BMP1: variants seen among roughly 807,000 people sequenced by gnomAD.
BMP1 encodes bone morphogenetic protein 1.
Under a neutral mutation model 116.8 loss-of-function variants are expected in BMP1, and 63 were observed. That is an observed-to-expected ratio of 0.54 (90% CI 0.44 to 0.67). BMP1 has a LOEUF of 0.67. Among genes scored for constraint, BMP1 ranks in the 30% least tolerant of loss-of-function variants. The probability of loss-of-function intolerance (pLI) is 0.00; values close to 1 mark genes in which losing one functional copy is unlikely to be tolerated. For synonymous variants in BMP1, 536 were observed against 533.4 expected, an observed-to-expected ratio of 1.00 and a Z score of -0.07; for missense variants, 1,183 against 1,358.9, an observed-to-expected ratio of 0.87 and a Z score of 2.04.
At chr8:22,210,633 C>G (rs1422979108) in intron 19 of BMP1, among the ~76,000 whole-genome samples, 1 of 152,168 alleles carries the variant, frequency 6.6e-6, no homozygotes, top group Admixed American at 6.5e-5. Flanking sequence ...GCTGCTGGAC[C>G]CAGCATTGGC....
chr8:22,206,812 G>C (rs759479624), intron 16 of BMP1, 42 bp from the exon 17 acceptor site: 1 of 1,612,682 alleles, frequency 6.2e-7, no homozygotes, highest in East Asian at 2.2e-5. Context: ...ATCGGAGCTT[G>C]GGGTCCCTCT....
chr8:22,180,692 T>A (rs1036615760), intron 8 of BMP1, among the ~76,000 whole-genome samples: 2 of 152,212 alleles, frequency 1.3e-5, no homozygotes, highest in Non-Finnish European at 2.9e-5. Context: ...AATTATAAAT[T>A]AGTGTTAATT....
At chr8:22,172,151 A>G (rs898741659) in intron 1 of BMP1, among the ~76,000 whole-genome samples, 11 of 152,098 alleles carry the variant, frequency 7.2e-5, no homozygotes, top group Admixed American at 4.6e-4. Flanking sequence ...GTGTAACGCG[A>G]CCGCCAGGCC....
At chr8:22,171,793 T>C (rs1828284491) in intron 1 of BMP1, 1 of 152,224 alleles carries the variant, frequency 6.6e-6, no homozygotes, top group Non-Finnish European at 1.5e-5. Flanking sequence ...ACTGCCACAG[T>C]CACTCCCACA....
chr8:22,206,813 G>A, intron 16 of BMP1, 41 bp from the exon 17 acceptor site: 3 of 1,612,812 alleles, frequency 1.9e-6, no homozygotes, highest in Non-Finnish European at 8.5e-7. Context: ...TCGGAGCTTG[G>A]GGTCCCTCTC....
In BMP1 at chr8:22,173,639, C is replaced by T. The variant is rs750943467; in HGVS notation, c.186C>T (p.Asp62=). Residue 62 remains aspartate (D), a synonymous_variant, in exon 2 of 20, where the codon GAC becomes GAT. Coordinates refer to ENST00000306385, the MANE Select transcript of BMP1 (RefSeq NM_006129.5). ...FLGDIALDEE[D]LRAFQVQQAV... Reference sequence around the variant, plus strand: ...GGGACATTGCCCTGGACGAAGAGGACCTGAGGGCCTTCCAGGTACAGCAGG... The same window carrying T: ...GGGACATTGCCCTGGACGAAGAGGATCTGAGGGCCTTCCAGGTACAGCAGG... 9 of 1,613,602 alleles carry T rather than the reference C, an allele frequency of 5.6e-6. 1 individual carries two copies. The South Asian group carries it at 9.9e-5, about 18-fold the overall frequency.
Position 22,194,192 on chromosome 8 carries a change from G to T in BMP1, c.1297+18G>T. ...CTACGAAGGTACTGAGGAAGGCGGC[G>T]GGCGGGAGGAGTCAGATAGGAGGTC... On this transcript the variant is annotated intron_variant, in intron 10 of 19. Transcript: ENST00000306385. This position sits in a 1 kb window ranked among gnomAD's most constrained non-coding sequence, Gnocchi z 4.5. The T allele has an allele frequency of 6.2e-7, 1 of 1,607,914 alleles. No homozygotes were observed. Among genetic ancestry groups the T allele is most frequent in the Non-Finnish European group, 8.5e-7 (1 of 1,174,342 alleles).
intron 8 of BMP1, among the ~76,000 whole-genome samples, chr8:22,183,868 G>A (rs1828694908): frequency 2.0e-5 from 3 of 152,214 alleles, no homozygotes; most frequent in South Asian, 4.1e-4. Flanking sequence ...GAGCCGCCGC[G>A]CCTGGCCATG....
At chr8:22,176,714 C>A in intron 4 of BMP1, 64 bp downstream of exon 4, 1 of 1,528,924 alleles carries the variant, frequency 6.5e-7, no homozygotes, top group Non-Finnish European at 9.1e-7. Flanking sequence ...CTGCCCTGGG[C>A]CCTGCCACTG....
intron 16 of BMP1, among the ~76,000 whole-genome samples, chr8:22,203,026 T>A (rs1829293618): frequency 6.6e-6 from 1 of 151,840 alleles, no homozygotes; most frequent in South Asian, 2.1e-4. Flanking sequence ...TATAAATAAA[T>A]AAATAAAGCA....
At chr8:22,207,158 C>G (rs2131902234) in intron 17 of BMP1, 145 bp from the exon 18 acceptor site, 1 of 1,383,278 alleles carries the variant, frequency 7.2e-7, no homozygotes, top group East Asian at 2.3e-5. Context: ...CTGCCTTCGC[C>G]CTATTCCTGG....
At chr8:22,183,620 T>C (rs1828685740) in intron 8 of BMP1, among the ~76,000 whole-genome samples, 1 of 150,448 alleles carries the variant, frequency 6.6e-6, no homozygotes, top group African/African-American at 2.5e-5. Flanking sequence ...ATTATTATTA[T>C]TATTGAGACG....
At chr8:22,201,957 G>A in intron 16 of BMP1, 29 bp downstream of exon 16, 1 of 1,594,236 alleles carries the variant, frequency 6.3e-7, no homozygotes, top group Non-Finnish European at 8.6e-7. Context: ...GGGCATCTGG[G>A]CTTGAAGGAC....
intron 8 of BMP1, among the ~76,000 whole-genome samples, chr8:22,188,867 A>G (rs575367431): frequency 3.7e-4 from 57 of 152,308 alleles, no homozygotes; most frequent in Middle Eastern, 6.8e-3. Flanking sequence ...AGGATGAAGG[A>G]AAGCGGGCGC....
rs201714147 is a variant in BMP1, at chr8:22,196,676, G to T, written c.1766-4G>T. ...AGACGATGCCACCTTCCTTGTCCCC[G>T]CAGCTGCTTGTGGCGGATTCCTCAC... On this transcript the variant is annotated splice_region_variant and splice_polypyrimidine_tract_variant and intron_variant, in intron 13 of 19. Transcript: ENST00000306385. The T allele has an allele frequency of 6.2e-7, 1 of 1,613,832 alleles. No individual in the cohort carries two copies. Among genetic ancestry groups the T allele is most frequent in the Non-Finnish European group, 8.5e-7 (1 of 1,179,978 alleles).
rs186347742 is a variant in BMP1 at position 22,173,896 on chromosome 8, T to C, written c.262+181T>C. Among the ~76,000 whole-genome samples the C allele has an allele frequency of 2.0e-5, 3 of 152,336 alleles. No individual in the cohort carries two copies. In the East Asian group the frequency reaches 5.8e-4, roughly 29 times the overall value. On this transcript the variant is annotated intron_variant, in intron 2 of 19. Transcript: ENST00000306385. ...CCCTTCCCCAGAGGAGTAGTAAATA[T>C]AGATATCCCCAGCAACTAAGAACTG... is the stretch of plus-strand genomic sequence containing the variant.
rs137971201 is a variant in BMP1, at chr8:22,187,051, C to A, written c.1078-4998C>A. The stretch of plus-strand genomic sequence containing the variant: ...ACAGAGTCTTACTCTGTTGCCCAGG[C>A]TGGAGTGCAGCTCACTGCAACCTCT... On this transcript the variant is annotated intron_variant, in intron 8 of 19. Transcript: ENST00000306385. Among the ~76,000 whole-genome samples the A allele has an allele frequency of 6.7e-3, 1,021 of 152,208 alleles. 14 individuals carry two copies. Among genetic ancestry groups the A allele is most frequent in the Middle Eastern group, 0.061 (18 of 294 alleles).
At position 22,211,627 on chromosome 8, in the gene BMP1, G is replaced by A. The variant is rs757945895; in HGVS notation, c.2860G>A (p.Val954Ile). The A allele has an allele frequency of 6.2e-7, 1 of 1,614,162 alleles. No individual in the cohort carries two copies. The highest frequency in any genetic ancestry group is 1.1e-5 in the South Asian group (1 of 91,088). ...GGAGGTGTACTCGGCGGGAGATTCT[G>A]TCCTGGTGAAGTTCCACTCGGATGA... The part of the protein sequence containing the change: ...PEEVYSAGDS[V>I]LVKFHSDDTI... The change falls in exon 20 of 20, where the codon GTC (valine) becomes ATC (isoleucine). Residue 954 changes from valine (V) to isoleucine (I), a missense_variant. This residue lies in a region of BMP1 where 956 missense variants were observed against 1,135.2 expected (regional missense o/e 0.84). Coordinates refer to ENST00000306385, the MANE Select transcript of BMP1 (RefSeq NM_006129.5).
At chr8:22,188,188 T>TG (rs1235200673) in intron 8 of BMP1, among the ~76,000 whole-genome samples, 1 of 150,486 alleles carries the variant, frequency 6.6e-6, no homozygotes, top group Non-Finnish European at 1.5e-5. Context: ...TTTTTTTTTT[T>TG]TTTTTTTTTT....
Sources: allele counts gnomAD v4.1 joint callset (sites outside exome capture counted in the v4.1 genomes callset), GRCh38; gene constraint gnomAD v4.1.1; regional missense constraint gnomAD v4.1.1; non-coding constraint Gnocchi (gnomAD v3.1); transcripts MANE v1.5; gene names NCBI Gene and HGNC (gene_info 2026-07-23, HGNC 2026-07-21).